The following PRORP variants were observed in gnomAD, a reference collection of about 807,000 sequenced individuals.
The protein encoded by PRORP is mitochondrial ribonuclease P catalytic subunit.
A neutral mutation model predicts 59.4 loss-of-function variants in PRORP; 51 were observed. The ratio of observed to expected loss-of-function variants is 0.86; its 90% CI spans 0.69 to 1.08. The LOEUF (loss-of-function observed/expected upper bound fraction) is 1.08. Among genes scored for constraint, PRORP ranks in the 50% least tolerant of loss-of-function variants. The pLI is 0.00. For missense variants in PRORP, 646 were observed against 690.3 expected (o/e 0.94, Z 0.72); for synonymous variants, 231 against 245.6 (o/e 0.94, Z 0.55).
At chr14:35,243,379 T>A (rs1171281969) in intron 5 of PRORP, among the ~76,000 whole-genome samples, 9 of 151,512 alleles carry the variant, frequency 5.9e-5, no homozygotes, top group Admixed American at 2.0e-4. Flanking sequence ...TATAAAAAAA[T>A]ACAAAAATTA....
At chr14:35,124,703 A>G (rs193226547) in intron 2 of PRORP, among the ~76,000 whole-genome samples, 7 of 146,236 alleles carry the variant, frequency 4.8e-5, no homozygotes, top group Admixed American at 2.1e-4. Context: ...TTTCTTAGGC[A>G]TCTAGTATGA....
chr14:35,187,110 A>G (rs977557832), intron 5 of PRORP, among the ~76,000 whole-genome samples: 2 of 152,210 alleles, frequency 1.3e-5, no homozygotes, highest in African/African-American at 4.8e-5. Context: ...GAGTAATGCT[A>G]CTATGAACAT....
rs551331435 is a variant in PRORP at position 35,126,121 on chromosome 14, C to T, written c.987-614C>T. Among the ~76,000 whole-genome samples, 24 of 151,896 alleles carry T rather than the reference C, an allele frequency of 1.6e-4. No homozygotes were observed. The South Asian group carries it at 1.7e-3, about 11-fold the overall frequency. On this transcript the variant is annotated intron_variant, in intron 2 of 7. Coordinates refer to ENST00000534898, the MANE Select transcript of PRORP (RefSeq NM_014672.4). The stretch of plus-strand genomic sequence containing the variant: ...TTAAGATTGAAAACAGGGAGATCTG[C>T]GTGAATACAATTTTAGGTTTAGGTG...
Position 35,234,596 on chromosome 14 carries a change from TTTAC to T in PRORP, c.1276-32124_1276-32121del, listed in dbSNP as rs1246109564. ...CTAGCCTTACTTCCCTCTTGGCACT[TTTAC>T]TTACTTCATTTTTTTTTAGACTTCA... On this transcript the variant is annotated intron_variant, in intron 5 of 7. Coordinates refer to ENST00000534898, the MANE Select transcript of PRORP (RefSeq NM_014672.4). 3.9e-5 allele frequency among the ~76,000 whole-genome samples: 6 copies of T among 152,214 alleles called. No individual in the cohort carries two copies. The East Asian group carries it at 7.7e-4, about 20-fold the overall frequency.
chr14:35,165,470 A>G (rs1341631680), intron 4 of PRORP, among the ~76,000 whole-genome samples: 1 of 152,262 alleles, frequency 6.6e-6, no homozygotes, highest in Non-Finnish European at 1.5e-5. Flanking sequence ...ATAAGAAAGT[A>G]TATGTAAAGC....
At chr14:35,256,176 C>G (rs2050749430) in intron 5 of PRORP, among the ~76,000 whole-genome samples, 1 of 148,296 alleles carries the variant, frequency 6.7e-6, no homozygotes, top group Non-Finnish European at 1.5e-5. Context: ...CCCAGATGCT[C>G]GGGAGGCTGA....
intron 5 of PRORP, among the ~76,000 whole-genome samples, chr14:35,190,059 G>A (rs1005333301): frequency 6.7e-6 from 1 of 149,326 alleles, no homozygotes; most frequent in African/African-American, 2.5e-5. Flanking sequence ...AATGAGCTGA[G>A]ATTGCGCCAC....
intron 6 of PRORP, among the ~76,000 whole-genome samples, chr14:35,268,708 G>A (rs1329440488): frequency 6.6e-6 from 1 of 152,126 alleles, no homozygotes; most frequent in Non-Finnish European, 1.5e-5. Flanking sequence ...CGATTCTCCT[G>A]CCTCAGCCTC....
chr14:35,155,885 C>G (rs555817581), intron 4 of PRORP, among the ~76,000 whole-genome samples: 2 of 152,132 alleles, frequency 1.3e-5, no homozygotes, highest in African/African-American at 4.8e-5. Flanking sequence ...ATTTTTGAAA[C>G]GCACAAGATA....
chr14:35,213,242 C>T (rs1317713994), intron 5 of PRORP, among the ~76,000 whole-genome samples: 2 of 152,184 alleles, frequency 1.3e-5, no homozygotes, highest in Admixed American at 6.5e-5. Flanking sequence ...TTATCGTTTG[C>T]GTGTTCACTG....
intron 5 of PRORP, among the ~76,000 whole-genome samples, chr14:35,216,183 T>G (rs1024270294): frequency 7.8e-5 from 9 of 116,002 alleles, no homozygotes; most frequent in African/African-American, 2.7e-4. Context: ...GAGAGAGAGA[T>G]AGTTTTAACA....
chr14:35,147,415 T>A (rs1407209647), intron 4 of PRORP, among the ~76,000 whole-genome samples: 2 of 152,200 alleles, frequency 1.3e-5, no homozygotes, highest in Non-Finnish European at 2.9e-5. Context: ...AGATCATGGC[T>A]TACTGTAGCC....
chr14:35,161,460 AG>A (rs2048057906), intron 4 of PRORP, among the ~76,000 whole-genome samples: 1 of 152,162 alleles, frequency 6.6e-6, no homozygotes, highest in Non-Finnish European at 1.5e-5. Context: ...TGTGAAGCAG[AG>A]GGGATTTCCA....
chr14:35,250,027 C>T (rs2050575807), intron 5 of PRORP, among the ~76,000 whole-genome samples: 1 of 151,982 alleles, frequency 6.6e-6, no homozygotes, highest in Admixed American at 6.6e-5. Context: ...GTGGGCAGAT[C>T]ACTTGAGGCC....
In PRORP at chr14:35,123,064, C is replaced by A; in HGVS notation, c.-182C>A. The A allele has an allele frequency of 1.6e-6, 1 of 640,832 alleles. No homozygotes were observed. The highest frequency in any genetic ancestry group is 2.6e-6 in the Non-Finnish European group (1 of 379,810). The allele number at this position is 640,832 out of a possible 1,614,324, so 39.7% of individuals were successfully genotyped here. A position where few individuals can be genotyped will look rare whatever the true frequency, so the allele number is the denominator to read the frequency against. On this transcript the variant is annotated 5_prime_UTR_variant, in exon 2 of 8. Coordinates refer to ENST00000534898, the MANE Select transcript of PRORP (RefSeq NM_014672.4). ...TTGTTTAATAGAGAAAACTCACCTGCCTTCTTGCTTTTAAGTAGCCCCAAA... is the reference window on the plus strand; with the variant it reads ...TTGTTTAATAGAGAAAACTCACCTGACTTCTTGCTTTTAAGTAGCCCCAAA...
At chr14:35,191,776 C>T (rs1468386498) in intron 5 of PRORP, among the ~76,000 whole-genome samples, 2 of 152,160 alleles carry the variant, frequency 1.3e-5, no homozygotes, top group Non-Finnish European at 2.9e-5. Context: ...CTACTATCCA[C>T]CAAATTGCTC....
In PRORP at chr14:35,276,017, T is replaced by G. The variant is rs113032047; in HGVS notation, c.*2451T>G. 2.0e-5 allele frequency: 3 copies of G among 152,154 alleles called. No homozygotes were observed. The highest frequency in any genetic ancestry group is 7.2e-5 in the African/African-American group (3 of 41,466). The allele number at this position is 152,154 out of a possible 1,614,324, so 9.4% of individuals were successfully genotyped here. ...TCTTTCTTCTACTGGCACATAGAGA[T>G]GGGGGAGGAGTCAGGGCATGGTGGC... On this transcript the variant is annotated 3_prime_UTR_variant, in exon 8 of 8. Coordinates refer to ENST00000534898, the MANE Select transcript of PRORP (RefSeq NM_014672.4).
chr14:35,259,957 T>G (rs928272740), intron 5 of PRORP, among the ~76,000 whole-genome samples: 1 of 151,630 alleles, frequency 6.6e-6, no homozygotes, highest in Non-Finnish European at 1.5e-5. Context: ...TATAGCATTT[T>G]TAGTGATCAC....
At chr14:35,136,364 GT>G (rs111786165) in intron 4 of PRORP, among the ~76,000 whole-genome samples, 60,288 of 150,648 alleles carry the variant, frequency 0.4, 12,276 homozygotes, top group African/African-American at 0.47. Context: ...CCGACAACGG[GT>G]TTTTTTGTTT....
Sources: gnomAD v4.1 joint callset for allele counts (sites outside exome capture counted in the v4.1 genomes callset) on GRCh38, gnomAD v4.1.1 for gene constraint, MANE v1.5 for transcripts, NCBI Gene and HGNC (gene_info 2026-07-23, HGNC 2026-07-21) for gene names.